Variants in CTBP2 observed in about 807,000 individuals in gnomAD.
CTBP2 encodes the protein C-terminal-binding protein 2.
CTBP2 carries 30 observed loss-of-function variants against 80.3 expected under a neutral mutation model. The observed-to-expected ratio is 0.37, with a 90% CI of 0.28 to 0.51. The LOEUF is 0.51. Ranked by LOEUF, CTBP2 falls within the 20% of genes least tolerant of loss-of-function variation. CTBP2 has a pLI of 0.93. For synonymous variants in CTBP2, 594 were observed against 587.4 expected (o/e 1.01, Z -0.16); for missense variants, 1,212 against 1,375.3 (o/e 0.88, Z 1.88).
At chr10:125,116,005 A>T (rs544118301) in intron 1 of CTBP2, among the ~76,000 whole-genome samples, 1 of 152,152 alleles carries the variant, frequency 6.6e-6, no homozygotes, top group South Asian at 2.1e-4. Flanking sequence ...ATCAACTATG[A>T]CCTCAAACTC....
intron 1 of CTBP2, among the ~76,000 whole-genome samples, chr10:125,006,922 C>A (rs554148143): frequency 5.9e-5 from 9 of 152,202 alleles, no homozygotes; most frequent in East Asian, 1.9e-4. Flanking sequence ...CTTTTCCATG[C>A]GTACAGACCA....
At position 125,060,463 on chromosome 10, in the gene CTBP2, C is replaced by CGTGTGTGT. The variant is rs56032803; in HGVS notation, c.-101-21316_-101-21309dup. 3.8e-3 allele frequency among the ~76,000 whole-genome samples: 557 copies of CGTGTGTGT among 147,960 alleles called. 5 individuals carry two copies. The highest frequency in any genetic ancestry group is 0.011 in the African/African-American group (459 of 40,190). On this transcript the variant is annotated intron_variant, in intron 2 of 10. Transcript: ENST00000337195. ...TGGTCATGATATTCCATTCCCCCCA[C>CGTGTGTGT]GTGTGTGTGTGTGTGTGTGTGTGTG... is the stretch of plus-strand genomic sequence containing the variant.
rs1312042485 is a variant in CTBP2, at chr10:124,989,225, T to C, written c.*293A>G. 1 of 398,646 alleles carries C rather than the reference T, an allele frequency of 2.5e-6. No homozygotes were observed. The highest frequency in any genetic ancestry group is 4.7e-6 in the Non-Finnish European group (1 of 213,210). 24.7% of individuals were successfully genotyped at this position (398,646 alleles called of 1,614,324 possible). ...GGACCTGCTGTGCCCAAGGGACTGA[T>C]AAAGGAAAAAGCTCTATTTATTCTT... On this transcript the variant is annotated 3_prime_UTR_variant, in exon 9 of 9. Coordinates refer to ENST00000309035, the MANE Select transcript of CTBP2 (RefSeq NM_022802.3).
intron 2 of CTBP2, among the ~76,000 whole-genome samples, chr10:125,040,445 C>T (rs148969676): frequency 7.0e-5 from 8 of 114,674 alleles, no homozygotes; most frequent in Admixed American, 3.1e-4. Context: ...CAGAGCAAGA[C>T]TCTGTCTTTA....
At chr10:125,031,719 C>T (rs2938001), upstream of CTBP2, among the ~76,000 whole-genome samples, 60,807 of 151,994 alleles carry the variant, frequency 0.4, 13,434 homozygotes, top group East Asian at 0.63. Flanking sequence ...GCCCAGACAT[C>T]GTTTCAGGTA....
rs566877054 is a variant in CTBP2, at chr10:125,130,952, GAT to G, written c.-205-19861_-205-19860del. 2.7e-4 allele frequency among the ~76,000 whole-genome samples: 41 copies of G among 152,302 alleles called. No homozygotes were observed. The East Asian group carries it at 7.9e-3, about 29-fold the overall frequency. On this transcript the variant is annotated intron_variant, in intron 1 of 10. Coordinates refer to the CTBP2 transcript ENST00000337195. ...CTCCGACCCACTGTATCTCAAATAC[GAT>G]GTGTGTTGGCTCGGCTCTTCCAAAA...
chr10:125,096,308 G>C (rs1849536738), intron 2 of CTBP2, among the ~76,000 whole-genome samples: 1 of 152,110 alleles, frequency 6.6e-6, no homozygotes, highest in South Asian at 2.1e-4. Flanking sequence ...AGTGAACTTT[G>C]CTGAACCTAC....
At chr10:125,018,843 C>T (rs72830836) in intron 1 of CTBP2, among the ~76,000 whole-genome samples, 12,404 of 152,318 alleles carry the variant, frequency 0.081, 602 homozygotes, top group Admixed American at 0.12. Flanking sequence ...AGGGTTCCTA[C>T]TCTTGCCCCT....
At chr10:125,069,681 A>C (rs1245922406) in intron 2 of CTBP2, among the ~76,000 whole-genome samples, 2 of 152,166 alleles carry the variant, frequency 1.3e-5, no homozygotes, top group Non-Finnish European at 2.9e-5. Flanking sequence ...TTGTTTTCCA[A>C]TATTAAATCC....
Position 125,116,526 on chromosome 10 carries a change from C to T in CTBP2, c.-205-5433G>A, listed in dbSNP as rs1049644245. Among the ~76,000 whole-genome samples, 6 of 152,224 alleles carry T rather than the reference C, an allele frequency of 3.9e-5. No homozygotes were observed. In the East Asian group the frequency reaches 7.8e-4, roughly 20 times the overall value. ...TGCTAAAAGTGGGACCCACAGAAGC[C>T]GAGCTGTATCAGAAGCCGAGCTAAA... On this transcript the variant is annotated intron_variant, in intron 1 of 10. Transcript: ENST00000337195.
chr10:125,133,899 T>G (rs1156234695), intron 1 of CTBP2, among the ~76,000 whole-genome samples: 1 of 152,230 alleles, frequency 6.6e-6, no homozygotes, highest in Non-Finnish European at 1.5e-5. Flanking sequence ...AACTGACTTC[T>G]GAATGGCAGG....
At chr10:125,148,980 T>G (rs1268361807) in intron 1 of CTBP2, among the ~76,000 whole-genome samples, 1 of 152,184 alleles carries the variant, frequency 6.6e-6, no homozygotes, top group Non-Finnish European at 1.5e-5. Context: ...ATGCTAGGGC[T>G]GGGAAACAGG....
intron 1 of CTBP2, among the ~76,000 whole-genome samples, chr10:125,012,061 A>G (rs1241104777): frequency 6.6e-6 from 1 of 152,256 alleles, no homozygotes; most frequent in Non-Finnish European, 1.5e-5. Flanking sequence ...CTGGGCCTGA[A>G]AGATCCGTGA....
chr10:124,990,702 G>T (rs1216113252), intron 8 of CTBP2, among the ~76,000 whole-genome samples: 1 of 152,210 alleles, frequency 6.6e-6, no homozygotes, highest in Non-Finnish European at 1.5e-5. Context: ...CCTTAAAGGT[G>T]ATGACCTTAA....
chr10:124,989,729 A>G, intron 8 of CTBP2, 31 bp from the exon 11 acceptor site: 1 of 1,524,492 alleles, frequency 6.6e-7, no homozygotes. Flanking sequence ...GGGCCTTGTA[A>G]GTTCAGGGCA....
In CTBP2 at chr10:124,986,749, A is replaced by T. The variant is rs917339726; in HGVS notation, c.*2769T>A. On this transcript the variant is annotated 3_prime_UTR_variant, in exon 9 of 9. Coordinates refer to ENST00000309035, the MANE Select transcript of CTBP2 (RefSeq NM_022802.3). ...AGCATCTGTAGTAATTTCTCTATGTATAGGGATAATTTTTTAGTGGGCAGA... is the reference window on the plus strand; with the variant it reads ...AGCATCTGTAGTAATTTCTCTATGTTTAGGGATAATTTTTTAGTGGGCAGA... The T allele has an allele frequency of 6.6e-6, 1 of 152,186 alleles. No homozygotes were observed. Among genetic ancestry groups the T allele is most frequent in the Non-Finnish European group, 1.5e-5 (1 of 68,036 alleles). The allele number at this position is 152,186 out of a possible 1,614,324, so 9.4% of individuals were successfully genotyped here.
intron 2 of CTBP2, among the ~76,000 whole-genome samples, chr10:125,106,241 CT>C (rs71029240): frequency 0.06 from 8,984 of 148,908 alleles, 267 homozygotes; most frequent in Middle Eastern, 0.079. Context: ...AGTGCTCTTC[CT>C]CCCACAACCC....
At chr10:125,069,729 T>C (rs940233015) in intron 2 of CTBP2, among the ~76,000 whole-genome samples, 2 of 152,204 alleles carry the variant, frequency 1.3e-5, no homozygotes, top group African/African-American at 4.8e-5. Flanking sequence ...TGTTGTGCCA[T>C]CTAATCAGGA....
In CTBP2 at chr10:125,003,014, C is replaced by A. The variant is rs188280364; in HGVS notation, c.1924G>T (p.Val642Leu). The stretch of plus-strand genomic sequence containing the variant: ...TTGTCATAGCCACTGCCTATCCGCA[C>A]GATCACTCTCAGGGCCTTGAACTTC... The change falls in exon 3 of 9, where the codon GTG becomes TTG. Residue 642 changes from valine (V) to leucine (L), a missense_variant. This residue lies in a region of CTBP2 where 335 missense variants were observed against 504.7 expected (regional missense o/e 0.66). Transcript: ENST00000309035. 6.2e-7 allele frequency: 1 copy of A among 1,613,998 alleles called. No individual in the cohort carries two copies. Among genetic ancestry groups the A allele is most frequent in the Non-Finnish European group, 8.5e-7 (1 of 1,180,014 alleles).
Sources: gnomAD v4.1 joint callset for allele counts (sites outside exome capture counted in the v4.1 genomes callset) on GRCh38, gnomAD v4.1.1 for gene constraint, gnomAD v4.1.1 regional missense constraint, MANE v1.5 for transcripts, NCBI Gene and HGNC (gene_info 2026-07-23, HGNC 2026-07-21) for gene names.